ANK2: variants seen among roughly 807,000 people sequenced by gnomAD.
ANK2 encodes the protein ankyrin-2.
Under a neutral mutation model 360.5 loss-of-function variants are expected in ANK2, and 83 were observed. The ratio of observed to expected loss-of-function variants is 0.23; its 90% CI spans 0.19 to 0.28. The LOEUF (loss-of-function observed/expected upper bound fraction) is 0.28, where lower values mean the gene tolerates loss of function less well. Ranked by LOEUF, ANK2 falls within the 10% of genes least tolerant of loss-of-function variation. ANK2 has a pLI of 1.00. For missense variants in ANK2, 4,201 were observed against 4,795.7 expected, an observed-to-expected ratio of 0.88 and a Z score of 3.66; for synonymous variants, 1,740 against 1,759.5, an observed-to-expected ratio of 0.99 and a Z score of 0.28.
intron 22 of ANK2, among the ~76,000 whole-genome samples, chr4:113,301,294 T>G (rs1299228798): frequency 6.6e-6 from 1 of 152,150 alleles, no homozygotes; most frequent in Admixed American, 6.5e-5. Context: ...TTTATGTTTT[T>G]GGGGTACACA....
intron 1 of ANK2, among the ~76,000 whole-genome samples, chr4:113,055,956 A>C (rs1336749530): frequency 4.6e-5 from 7 of 152,092 alleles, no homozygotes; most frequent in Non-Finnish European, 1.5e-5. Context: ...GCTCACTCTT[A>C]TCTATGGGAA....
In ANK2 at chr4:112,870,558, A is replaced by G. The variant is rs1343946330; in HGVS notation, c.-39-33897A>G. Among the ~76,000 whole-genome samples the G allele has an allele frequency of 4.6e-5, 7 of 152,302 alleles. No individual in the cohort carries two copies. In the East Asian group the frequency reaches 1.4e-3, roughly 29 times the overall value. Reference sequence around the variant, plus strand: ...AGTTGTCCCAACACTATTCCTTGGAAAGATTGTATTTACCCAGTGAATGCT... The same window carrying G: ...AGTTGTCCCAACACTATTCCTTGGAGAGATTGTATTTACCCAGTGAATGCT... On this transcript the variant is annotated intron_variant, in intron 1 of 30. Coordinates refer to the ANK2 transcript ENST00000503271.
intron 1 of ANK2, among the ~76,000 whole-genome samples, chr4:113,171,555 G>C (rs556736802): frequency 5.8e-4 from 88 of 152,088 alleles, no homozygotes; most frequent in African/African-American, 1.8e-3. Flanking sequence ...TCCCTTAAAG[G>C]GGTTCTAGAA....
chr4:113,189,114 G>A (rs769943039), intron 2 of ANK2, among the ~76,000 whole-genome samples: 39 of 152,144 alleles, frequency 2.6e-4, no homozygotes, highest in Non-Finnish European at 7.4e-5. Context: ...CAATAAATTG[G>A]TTAAAAGAAC....
At chr4:113,034,748 G>T (rs1018882023) in intron 2 of ANK2, 2 of 151,942 alleles carry the variant, frequency 1.3e-5, no homozygotes, top group African/African-American at 4.8e-5. Context: ...CTACCATGAT[G>T]GGGAAATGTA....
At chr4:113,194,846 AT>A (rs1204091260) in intron 2 of ANK2, among the ~76,000 whole-genome samples, 6 of 152,186 alleles carry the variant, frequency 3.9e-5, no homozygotes, top group African/African-American at 1.4e-4. Flanking sequence ...TCAATGACTT[AT>A]CAATAGTATC....
the ANK2 span, among the ~76,000 whole-genome samples, chr4:112,720,378 GT>G: frequency 6.6e-6 from 1 of 152,148 alleles, no homozygotes; most frequent in Non-Finnish European, 1.5e-5. Context: ...CTCGAGTGCT[GT>G]TTTTGGTTTC....
chr4:113,160,006 A>AT (rs1193202073), intron 1 of ANK2, among the ~76,000 whole-genome samples: 1 of 152,150 alleles, frequency 6.6e-6, no homozygotes, highest in Non-Finnish European at 1.5e-5. Flanking sequence ...TATTTAATTT[A>AT]TTTAGTAATG....
intron 2 of ANK2, among the ~76,000 whole-genome samples, chr4:113,187,712 TA>T (rs2098555743): frequency 6.6e-6 from 1 of 152,166 alleles, no homozygotes; most frequent in Non-Finnish European, 1.5e-5. Flanking sequence ...GAATGATTTA[TA>T]AACTAGAATT....
At chr4:112,995,333 G>A (rs1025659943) in intron 2 of ANK2, among the ~76,000 whole-genome samples, 1 of 152,008 alleles carries the variant, frequency 6.6e-6, no homozygotes, top group Non-Finnish European at 1.5e-5. Flanking sequence ...ATGTCATTGT[G>A]GTTTTTGCAT....
chr4:112,776,821 G>A, the ANK2 span, among the ~76,000 whole-genome samples: 1 of 152,124 alleles, frequency 6.6e-6, no homozygotes, highest in Non-Finnish European at 1.5e-5. Context: ...AGAGAATGCT[G>A]TGAATCCCAT....
intron 26 of ANK2, among the ~76,000 whole-genome samples, chr4:113,328,610 T>C (rs892002620): frequency 6.6e-6 from 1 of 152,220 alleles, no homozygotes; most frequent in Non-Finnish European, 1.5e-5. Flanking sequence ...AGTACTGAAC[T>C]GTTGATTGTA....
intron 10 of ANK2, among the ~76,000 whole-genome samples, chr4:113,254,590 T>C (rs1311176699): frequency 6.6e-6 from 1 of 152,244 alleles, no homozygotes; most frequent in Admixed American, 6.5e-5. Flanking sequence ...TCTAAACTTA[T>C]TTAATGAACT....
intron 1 of ANK2, among the ~76,000 whole-genome samples, chr4:112,828,001 C>G (rs565200250): frequency 6.6e-6 from 1 of 152,228 alleles, no homozygotes; most frequent in Admixed American, 6.5e-5. Flanking sequence ...CAGCATAGTA[C>G]TGGTACAAAG....
intron 2 of ANK2, chr4:113,034,160 T>C (rs370640090): frequency 6.6e-6 from 1 of 151,946 alleles, no homozygotes; most frequent in East Asian, 1.9e-4. Context: ...GATAGGATTC[T>C]TGATAGGAAC....
chr4:112,833,055 T>C (rs1438388350), intron 1 of ANK2, among the ~76,000 whole-genome samples: 2 of 152,194 alleles, frequency 1.3e-5, no homozygotes, highest in Non-Finnish European at 2.9e-5. Flanking sequence ...CTAGCTTCGT[T>C]TGGACATGGG....
intron 1 of ANK2, chr4:112,826,687 A>T (rs1429752393): frequency 1.1e-6 from 1 of 910,700 alleles, no homozygotes; most frequent in Non-Finnish European, 1.7e-6. Flanking sequence ...ACCATTCAGA[A>T]ATCTGGATAG....
At chr4:112,745,669 G>C in the ANK2 span, among the ~76,000 whole-genome samples, 1 of 151,882 alleles carries the variant, frequency 6.6e-6, no homozygotes, top group African/African-American at 2.4e-5. Flanking sequence ...AAGTAGCTGG[G>C]ACTATAGGCA....
chr4:113,285,875 G>A (rs1009947850), intron 18 of ANK2, among the ~76,000 whole-genome samples: 6 of 152,192 alleles, frequency 3.9e-5, no homozygotes, highest in Non-Finnish European at 7.3e-5. Context: ...GGCCTAAAAC[G>A]CACAACGTTA....
Sources: gnomAD v4.1 joint callset for allele counts (sites outside exome capture counted in the v4.1 genomes callset) on GRCh38, gnomAD v4.1.1 for gene constraint, MANE v1.5 for transcripts, NCBI Gene and HGNC (gene_info 2026-07-23, HGNC 2026-07-21) for gene names.